The following SLCO3A1 variants were observed in gnomAD, a reference collection of about 807,000 sequenced individuals.
SLCO3A1 encodes solute carrier organic anion transporter family member 3A1, also known as PGE1 transporter.
SLCO3A1 carries 27 observed loss-of-function variants against 63.1 expected under a neutral mutation model. The ratio of observed to expected loss-of-function variants is 0.43; its 90% confidence interval spans 0.32 to 0.59. SLCO3A1 has a LOEUF of 0.59. Among genes scored for constraint, SLCO3A1 ranks in the 20% least tolerant of loss-of-function variants. The pLI is 0.09. For missense variants in SLCO3A1, 773 were observed against 945.8 expected (o/e 0.82, Z 2.40); for synonymous variants, 473 against 409.9 (o/e 1.15, Z -1.86).
At chr15:92,119,186 G>A (rs2047831271) in intron 4 of SLCO3A1, among the ~76,000 whole-genome samples, 1 of 152,280 alleles carries the variant, frequency 6.6e-6, no homozygotes, top group African/African-American at 2.4e-5. Flanking sequence ...AAGACCACAT[G>A]CCAATGATTC....
intron 2 of SLCO3A1, among the ~76,000 whole-genome samples, chr15:91,947,584 A>G (rs1287260813): frequency 2.0e-5 from 3 of 152,316 alleles, no homozygotes; most frequent in South Asian, 4.1e-4. Context: ...GAAGTAGACT[A>G]TAGATAGGGC....
In SLCO3A1 at chr15:92,028,408, C is replaced by T. The variant is rs138994827; in HGVS notation, c.647-66473C>T. 6.8e-3 allele frequency among the ~76,000 whole-genome samples: 1,039 copies of T among 152,252 alleles called. 12 individuals are homozygous for T. Among genetic ancestry groups the T allele is most frequent in the African/African-American group, 0.024 (990 of 41,540 alleles). On this transcript the variant is annotated intron_variant, in intron 2 of 9. Transcript: ENST00000318445. ...TGCCCCTCAACATTTGCAGGATGTT[C>T]GCCACCATGCTTCACTCAGCAAAAG...
At chr15:92,065,602 C>G (rs1477816123) in intron 2 of SLCO3A1, among the ~76,000 whole-genome samples, 1 of 152,144 alleles carries the variant, frequency 6.6e-6, no homozygotes, top group Non-Finnish European at 1.5e-5. Flanking sequence ...GTTGCCATAA[C>G]TGTATGGCCG....
At chr15:92,013,771 T>G (rs1439108318) in intron 2 of SLCO3A1, among the ~76,000 whole-genome samples, 2 of 152,146 alleles carry the variant, frequency 1.3e-5, no homozygotes, top group Non-Finnish European at 2.9e-5. Context: ...GGATTTGGAC[T>G]TTGAGTCAGA....
intron 2 of SLCO3A1, among the ~76,000 whole-genome samples, chr15:91,924,282 T>G (rs1232034703): frequency 2.0e-5 from 3 of 152,206 alleles, no homozygotes; most frequent in African/African-American, 7.2e-5. Context: ...GCAAAGTTAG[T>G]GTTTCCAGAT....
rs187225365 is a variant in SLCO3A1, at chr15:92,116,275, C to T, written c.1010-4190C>T. On this transcript the variant is annotated intron_variant, in intron 4 of 9. Transcript: ENST00000318445. Reference sequence around the variant, plus strand: ...GACTCCTCCAAAATCTGCCTTTCTCCGTCCTGAAGGACCCATAAGTTTCCA... The same window carrying T: ...GACTCCTCCAAAATCTGCCTTTCTCTGTCCTGAAGGACCCATAAGTTTCCA... 4.5e-4 allele frequency among the ~76,000 whole-genome samples: 69 copies of T among 152,308 alleles called. 1 individual carries two copies. In the Middle Eastern group the frequency reaches 0.014, roughly 30 times the overall value.
intron 5 of SLCO3A1, among the ~76,000 whole-genome samples, chr15:92,123,430 A>G (rs2047886421): frequency 1.3e-5 from 2 of 152,084 alleles, no homozygotes. Flanking sequence ...AAATAAATAA[A>G]TAAAATAAAA....
At chr15:92,036,765 A>T (rs2046732710) in intron 2 of SLCO3A1, among the ~76,000 whole-genome samples, 1 of 152,106 alleles carries the variant, frequency 6.6e-6, no homozygotes. Context: ...TTAATTTCTT[A>T]CCTTATACTG....
chr15:92,072,166 G>A (rs1003251751), intron 2 of SLCO3A1, among the ~76,000 whole-genome samples: 29 of 151,474 alleles, frequency 1.9e-4, no homozygotes, highest in Admixed American at 1.8e-3. Flanking sequence ...TTAAAAATGC[G>A]AAGCCTGATA....
chr15:91,890,861 C>T (rs1320501645), intron 1 of SLCO3A1, among the ~76,000 whole-genome samples: 1 of 152,138 alleles, frequency 6.6e-6, no homozygotes, highest in Non-Finnish European at 1.5e-5. Context: ...GGCCAGACTG[C>T]GAGGCTCAGA....
At chr15:91,911,920 C>T (rs1223830034) in intron 1 of SLCO3A1, among the ~76,000 whole-genome samples, 1 of 152,040 alleles carries the variant, frequency 6.6e-6, no homozygotes, top group Non-Finnish European at 1.5e-5. Flanking sequence ...CCACTGCGCC[C>T]GGCCGGGACA....
At chr15:92,125,711 T>C (rs1476922040) in intron 5 of SLCO3A1, among the ~76,000 whole-genome samples, 2 of 151,974 alleles carry the variant, frequency 1.3e-5, no homozygotes, top group Admixed American at 1.3e-4. Flanking sequence ...CTCCGTGATA[T>C]GTACCCTCCC....
At chr15:91,904,143 G>A (rs910875098) in intron 1 of SLCO3A1, among the ~76,000 whole-genome samples, 11 of 151,330 alleles carry the variant, frequency 7.3e-5, no homozygotes, top group African/African-American at 1.2e-4. Context: ...AGGGTCCCAC[G>A]TTTAGCTTCA....
chr15:92,121,363 A>G (rs1456532096), intron 5 of SLCO3A1, among the ~76,000 whole-genome samples: 3 of 152,234 alleles, frequency 2.0e-5, no homozygotes, highest in Admixed American at 1.3e-4. Context: ...CACAACAGCA[A>G]CAGACATAGC....
rs1053745532 is a variant in SLCO3A1, at chr15:91,885,276, G to A, written c.181-30717G>A. Among the ~76,000 whole-genome samples, 3 of 152,114 alleles carry A rather than the reference G, an allele frequency of 2.0e-5. No homozygotes were observed. Among genetic ancestry groups the A allele is most frequent in the African/African-American group, 7.2e-5 (3 of 41,420 alleles). ...TTTCTCACCATCTTCCTTCTCCAGG[G>A]CTACCTCCTGAGGGCTCACTCCTTA... is the stretch of plus-strand genomic sequence containing the variant. On this transcript the variant is annotated intron_variant, in intron 1 of 9. Transcript: ENST00000318445. This position sits in a 1 kb window ranked among gnomAD's most constrained non-coding sequence, Gnocchi z 4.7.
At chr15:92,127,159 C>T (rs188686944) in intron 6 of SLCO3A1, among the ~76,000 whole-genome samples, 9 of 152,310 alleles carry the variant, frequency 5.9e-5, no homozygotes, top group South Asian at 2.1e-4. Flanking sequence ...TACACCATCA[C>T]GGGGTTGCCC....
chr15:92,084,233 G>C (rs2047379730), intron 2 of SLCO3A1, among the ~76,000 whole-genome samples: 1 of 152,182 alleles, frequency 6.6e-6, no homozygotes, highest in African/African-American at 2.4e-5. Context: ...AAAAAAAGCA[G>C]AGTTTACCTA....
At chr15:92,059,035 G>C (rs1436446668) in intron 2 of SLCO3A1, among the ~76,000 whole-genome samples, 1 of 152,076 alleles carries the variant, frequency 6.6e-6, no homozygotes, top group Non-Finnish European at 1.5e-5. Flanking sequence ...CTGGCGTCAG[G>C]GTTGGAGCAG....
At chr15:92,151,551 C>T (rs180858421) in intron 9 of SLCO3A1, among the ~76,000 whole-genome samples, 1 of 152,288 alleles carries the variant, frequency 6.6e-6, no homozygotes, top group African/African-American at 2.4e-5. Flanking sequence ...AAGTCTGACC[C>T]TCTTGTTTTT....
Sources: gnomAD v4.1 joint callset for allele counts (sites outside exome capture counted in the v4.1 genomes callset) on GRCh38, gnomAD v4.1.1 for gene constraint, Gnocchi (gnomAD v3.1) non-coding constraint, MANE v1.5 for transcripts, NCBI Gene and HGNC (gene_info 2026-07-23, HGNC 2026-07-21) for gene names.